Variants in IFNA6 observed in about 807,000 individuals in gnomAD.
The protein encoded by IFNA6 is interferon alpha-6.
For synonymous variants in IFNA6, 96 were observed against 79.2 expected (o/e 1.21, Z -1.13); for missense variants, 235 against 212.4 (o/e 1.11, Z -0.66).
chr9:21,350,590 A>G (rs570503239), exon 1 of IFNA6: 1 of 1,613,926 alleles, frequency 6.2e-7, no homozygotes, highest in East Asian at 2.2e-5. Flanking sequence ...CTCTCATCCC[A>G]AGCAACAGAT....
At chr9:21,350,838 T>G (rs765365156) in exon 1 of IFNA6, 1 of 1,613,950 alleles carries the variant, frequency 6.2e-7, no homozygotes. Flanking sequence ...GCAGCTTGAC[T>G]TGCAGCTGAG....
Position 21,350,414 on chromosome 9 carries a change from C to T in IFNA6, c.474G>A (p.Lys158=), listed in dbSNP as rs780917224. ...CAACCTCCCAGGCACAAGGGCTGTACTTTTTCTCTGTCAGGTAGAGAGTGA... is the reference window on the plus strand; with the variant it reads ...CAACCTCCCAGGCACAAGGGCTGTATTTTTTCTCTGTCAGGTAGAGAGTGA... Residue 158 remains lysine (K), a synonymous_variant, in exon 1 of 1, where the codon AAG becomes AAA. Transcript: ENST00000380210. The T allele has an allele frequency of 3.7e-6, 6 of 1,613,442 alleles. No individual in the cohort carries two copies. The East Asian group carries it at 1.1e-4, about 30-fold the overall frequency.
At chr9:21,350,373 A>G (rs1820434049) in exon 1 of IFNA6, 4 of 1,613,666 alleles carry the variant, frequency 2.5e-6, no homozygotes, top group Non-Finnish European at 3.4e-6. Flanking sequence ...GAAGGATCTC[A>G]TGATTTCTGC....
exon 1 of IFNA6, chr9:21,350,592 G>C (rs1586948119): frequency 6.2e-7 from 1 of 1,613,974 alleles, no homozygotes; most frequent in South Asian, 1.1e-5. Flanking sequence ...CTCATCCCAA[G>C]CAACAGATGA....
chr9:21,350,628 G>C, exon 1 of IFNA6: 5 of 1,614,002 alleles, frequency 3.1e-6, no homozygotes, highest in Non-Finnish European at 4.2e-6. Context: ...GAGGTTGAAG[G>C]TCTGCTGAAT....
At chr9:21,350,499 C>A in exon 1 of IFNA6, 1 of 1,614,004 alleles carries the variant, frequency 6.2e-7, no homozygotes, top group Non-Finnish European at 8.5e-7. Flanking sequence ...GGGAGTCCCT[C>A]CCACCCACAC....
At chr9:21,350,389 C>A in exon 1 of IFNA6, 1 of 1,612,452 alleles carries the variant, frequency 6.2e-7, no homozygotes, top group Non-Finnish European at 8.5e-7. Flanking sequence ...TCTGCTCTGA[C>A]AACCTCCCAG....
exon 1 of IFNA6, chr9:21,350,471 G>A: frequency 6.2e-7 from 1 of 1,614,044 alleles, no homozygotes; most frequent in Non-Finnish European, 8.5e-7. Flanking sequence ...CAGCCAGGAT[G>A]GAGTCCTCAT....
At chr9:21,350,780 C>A (rs1450809629) in exon 1 of IFNA6, 6 of 1,613,940 alleles carry the variant, frequency 3.7e-6, no homozygotes, top group Non-Finnish European at 5.1e-6. Flanking sequence ...GCATCATGGT[C>A]CTCCTGTGAC....
rs202179791 is a variant in IFNA6, at chr9:21,350,424, G to T, written c.464C>A (p.Thr155Lys). 124 of 1,613,952 alleles carry T rather than the reference G, an allele frequency of 7.7e-5. No individual in the cohort carries two copies. The African/African-American group carries it at 1.3e-3, about 17-fold the overall frequency. The change falls in exon 1 of 1, where the codon ACA becomes AAA. Residue 155 changes from threonine (T) to lysine (K), a missense_variant. Thr to Lys is a moderately conservative substitution (Grantham distance 78). Coordinates refer to ENST00000380210, the Ensembl canonical transcript of IFNA6. ...GGCACAAGGGCTGTACTTTTTCTCT[G>T]TCAGGTAGAGAGTGATTCTTTGGAA...
exon 1 of IFNA6, chr9:21,350,323 C>G: frequency 1.4e-6 from 2 of 1,405,710 alleles, no homozygotes. Context: ...AGGTCTTATT[C>G]CTTCCTCCTT....
Position 21,350,490 on chromosome 9 carries a change from G to A in IFNA6, c.398C>T (p.Pro133Leu), listed in dbSNP as rs757480310. 6 of 1,613,976 alleles carry A rather than the reference G, an allele frequency of 3.7e-6. No individual in the cohort carries two copies. In the South Asian group the frequency reaches 6.6e-5, roughly 18 times the overall value. Residue 133 changes from proline (P) to leucine (L), a missense_variant, in exon 1 of 1, where the codon CCC becomes CTC. Physicochemically the swap from Pro to Leu is moderately conservative, Grantham distance 98. Coordinates refer to ENST00000380210, the Ensembl canonical transcript of IFNA6. Reference sequence around the variant, plus strand: ...CAGGATGGAGTCCTCATTCATCAGGGGAGTCCCTCCCACCCACACCTCCTG... The same window carrying A: ...CAGGATGGAGTCCTCATTCATCAGGAGAGTCCCTCCCACCCACACCTCCTG...
chr9:21,350,437 T>C, exon 1 of IFNA6: 1 of 1,613,812 alleles, frequency 6.2e-7, no homozygotes, highest in South Asian at 1.1e-5. Context: ...AGGTAGAGAG[T>C]GATTCTTTGG....
At chr9:21,350,585 A>G in exon 1 of IFNA6, 1 of 1,613,868 alleles carries the variant, frequency 6.2e-7, no homozygotes, top group Non-Finnish European at 8.5e-7. Flanking sequence ...GAAGCCTCTC[A>G]TCCCAAGCAA....
exon 1 of IFNA6, chr9:21,350,823 A>G (rs150008995): frequency 5.9e-5 from 96 of 1,613,864 alleles, no homozygotes; most frequent in Non-Finnish European, 8.0e-5. Context: ...ATCACAGTCC[A>G]GAGAGCAGCT....
At chr9:21,350,368 A>C (rs1397410623) in exon 1 of IFNA6, 1 of 1,608,054 alleles carries the variant, frequency 6.2e-7, no homozygotes, top group South Asian at 1.1e-5. Flanking sequence ...GAAGAGAAGG[A>C]TCTCATGATT....
rs769767761 is a variant in IFNA6 at position 21,350,319 on chromosome 9, T to C, written c.569A>G (p.Ter190=). 10 of 1,608,558 alleles carry C rather than the reference T, an allele frequency of 6.2e-6. No individual in the cohort carries two copies. In the East Asian group the frequency reaches 1.8e-4, roughly 29 times the overall value. The stretch of plus-strand genomic sequence containing the variant: ...GTCGTTTCTGTGTTGGATCAGGTCT[T>C]ATTCCTTCCTCCTTAACCTTTCTTG... Residue 190 remains the stop codon, a stop_retained_variant, in exon 1 of 1, where the codon TAA becomes TGA. Transcript: ENST00000380210.
At chr9:21,350,411 G>A (rs1279537995) in exon 1 of IFNA6, 1 of 1,613,992 alleles carries the variant, frequency 6.2e-7, no homozygotes, top group Non-Finnish European at 8.5e-7. Context: ...CACAAGGGCT[G>A]TACTTTTTCT....
chr9:21,350,664 T>G (rs774942376), exon 1 of IFNA6: 57 of 1,613,878 alleles, frequency 3.5e-5, no homozygotes, highest in Non-Finnish European at 4.0e-5. Context: ...AGAGATGGCT[T>G]CAGCCTTCTG....
Sources: gnomAD v4.1 joint callset for allele counts on GRCh38, gnomAD v4.1.1 for gene constraint, MANE v1.5 for transcripts, NCBI Gene and HGNC (gene_info 2026-07-23, HGNC 2026-07-21) for gene names.